The following MTMR14 variants were observed in gnomAD, a reference collection of about 807,000 sequenced individuals.
MTMR14 encodes the protein myotubularin related protein 14, also known as phosphatidylinositol-3,5-bisphosphate 3-phosphatase MTMR14.
A neutral mutation model predicts 86.3 loss-of-function variants in MTMR14; 48 were observed. The ratio of observed to expected loss-of-function variants is 0.56; its 90% CI spans 0.44 to 0.71. The LOEUF is 0.71. Ranked by LOEUF, MTMR14 falls within the 30% of genes least tolerant of loss-of-function variation. MTMR14 has a pLI of 0.00. For missense variants in MTMR14, 780 were observed against 834.6 expected (o/e 0.93, Z 0.81); for synonymous variants, 366 against 326.1 (o/e 1.12, Z -1.32).
At chr3:9,680,542 A>G (rs2075726894) in intron 9 of MTMR14, among the ~76,000 whole-genome samples, 3 of 152,222 alleles carry the variant, frequency 2.0e-5, no homozygotes, top group Admixed American at 1.3e-4. Flanking sequence ...TCTTGTGACC[A>G]GCTGATCTTC....
rs766595818 is a variant in MTMR14 at position 9,690,035 on chromosome 3, C to T, written c.1505C>T (p.Pro502Leu). The change falls in exon 17 of 19, where the codon CCT becomes CTT. Residue 502 changes from proline (P) to leucine (L), a missense_variant. Transcript: ENST00000296003. ...NRPQPSEDRL[P>L]SQQGLAEARS... ...CCACAACCCTCAGAGGACCGCTTGC[C>T]TTCCCAGCAGGGGCTGGCGGAAGCC... The T allele has an allele frequency of 1.2e-5, 20 of 1,612,778 alleles. No individual in the cohort carries two copies. Among genetic ancestry groups the T allele is most frequent in the Non-Finnish European group, 1.7e-5 (20 of 1,179,978 alleles).
chr3:9,676,819 G>A (rs2075596095), intron 7 of MTMR14, among the ~76,000 whole-genome samples: 1 of 152,200 alleles, frequency 6.6e-6, no homozygotes, highest in African/African-American at 2.4e-5. Context: ...CCGGGTTTTA[G>A]GCACTGTCCG....
intron 18 of MTMR14, chr3:9,699,509 T>C (rs2076388617): frequency 6.6e-6 from 1 of 152,262 alleles, no homozygotes; most frequent in Non-Finnish European, 1.5e-5. Flanking sequence ...GGTTCAGCAC[T>C]TGGGCTTTGT....
Position 9,649,607 on chromosome 3 carries a change from C to T in MTMR14, c.24C>T (p.Ala8=), listed in dbSNP as rs1277685901. The T allele has an allele frequency of 1.6e-5, 24 of 1,548,132 alleles. No individual in the cohort carries two copies. The highest frequency in any genetic ancestry group is 2.7e-5 in the African/African-American group (2 of 73,078). ...CCATGGCCGGCGCTCGGGCCGCCGCCGCCGCTGCCTCGGCGGGGTCCTCGG... is the reference window on the plus strand; with the variant it reads ...CCATGGCCGGCGCTCGGGCCGCCGCTGCCGCTGCCTCGGCGGGGTCCTCGG... MAGARAA[A]AAASAGSSAS... Residue 8 remains alanine, a synonymous_variant, in exon 1 of 19, where the codon GCC becomes GCT. Coordinates refer to ENST00000296003, the MANE Select transcript of MTMR14 (RefSeq NM_001077525.3).
intron 9 of MTMR14, among the ~76,000 whole-genome samples, chr3:9,682,563 G>A (rs575970108): frequency 1.3e-5 from 2 of 152,282 alleles, no homozygotes; most frequent in South Asian, 4.1e-4. Context: ...TCTCTTTAAA[G>A]CTTTTGCTTA....
intron 1 of MTMR14, among the ~76,000 whole-genome samples, chr3:9,652,390 T>G (rs2047352158): frequency 6.6e-6 from 1 of 152,232 alleles, no homozygotes; most frequent in Admixed American, 6.5e-5. Context: ...GCAAGTTGTG[T>G]ATAAAGAGAC....
chr3:9,686,403 G>A (rs1055071128), intron 13 of MTMR14, among the ~76,000 whole-genome samples: 13 of 152,190 alleles, frequency 8.5e-5, no homozygotes, highest in Admixed American at 7.9e-4. Context: ...ACCAAGTAGT[G>A]TCTGAGTTTG....
Position 9,689,029 on chromosome 3 carries a change from C to T in MTMR14, c.1380C>T (p.Phe460=). The T allele has an allele frequency of 6.2e-7, 1 of 1,613,878 alleles. No individual in the cohort carries two copies. Among genetic ancestry groups the T allele is most frequent in the Middle Eastern group, 1.6e-4 (1 of 6,062 alleles). ...GTTCCCCAGGAGCCACTGGGAGCTT[C>T]ACCTATGAGGCCGTGGAGCTGGTCC... The part of the protein sequence containing the change: ...MESSPGATGS[F]TYEAVELVPA... The change falls in exon 16 of 19, where the codon TTC becomes TTT. Residue 460 remains phenylalanine, a synonymous_variant. Transcript: ENST00000296003.
At chr3:9,692,248 G>C (rs1478431456) in intron 17 of MTMR14, among the ~76,000 whole-genome samples, 2 of 152,132 alleles carry the variant, frequency 1.3e-5, no homozygotes, top group Non-Finnish European at 2.9e-5. Context: ...AATTCTACAG[G>C]CATCTCTCTT....
intron 17 of MTMR14, among the ~76,000 whole-genome samples, chr3:9,691,273 C>T (rs2076131616): frequency 6.6e-6 from 1 of 152,210 alleles, no homozygotes; most frequent in Non-Finnish European, 1.5e-5. Flanking sequence ...CGTCTGGCCC[C>T]ATGGGAGGTG....
intron 1 of MTMR14, among the ~76,000 whole-genome samples, chr3:9,652,188 C>T (rs1383942541): frequency 6.6e-6 from 1 of 152,052 alleles, no homozygotes; most frequent in East Asian, 1.9e-4. Context: ...TGGTCTCAAG[C>T]TCCTGATCAG....
chr3:9,669,536 G>T, intron 5 of MTMR14, 44 bp downstream of exon 5: 1 of 1,594,966 alleles, frequency 6.3e-7, no homozygotes, highest in Non-Finnish European at 8.6e-7. Context: ...GTTGGGGATG[G>T]GGTGTCTGGC....
rs544001190 is a variant in MTMR14, at chr3:9,684,029, A to C, written c.965-556A>C. ...GTCGCTGGAGGGAGATTTGCCACAA[A>C]GTCGCATGCCAGCCCCTGGAGCCAG... On this transcript the variant is annotated intron_variant, in intron 10 of 18. Coordinates refer to ENST00000296003, the MANE Select transcript of MTMR14 (RefSeq NM_001077525.3). Among the ~76,000 whole-genome samples, 4 of 152,242 alleles carry C rather than the reference A, an allele frequency of 2.6e-5. No individual in the cohort carries two copies. The South Asian group carries it at 8.3e-4, about 32-fold the overall frequency.
intron 2 of MTMR14, among the ~76,000 whole-genome samples, chr3:9,658,810 A>G (rs1342051421): frequency 6.6e-6 from 1 of 152,224 alleles, no homozygotes; most frequent in African/African-American, 2.4e-5. Flanking sequence ...CATTATAGGA[A>G]CAAGCCACCC....
rs4021721 is a variant in MTMR14, at chr3:9,663,501, C to CTTT, written c.417+1150_417+1152dup. The stretch of plus-strand genomic sequence containing the variant: ...TTTTTTTTTGAGATGGAGTCTCTCT[C>CTTT]TTTTTTTTTTTTTTTTTTTTTTTTT... On this transcript the variant is annotated intron_variant, in intron 3 of 18. Transcript: ENST00000296003. Among the ~76,000 whole-genome samples, 291 of 69,992 alleles carry CTTT rather than the reference C, an allele frequency of 4.2e-3. 19 individuals are homozygous for CTTT. Among genetic ancestry groups the CTTT allele is most frequent in the Non-Finnish European group, 6.3e-3 (216 of 34,302 alleles). The allele number at this position is 69,992 out of a possible 152,430, so 45.9% of individuals were successfully genotyped here.
intron 7 of MTMR14, among the ~76,000 whole-genome samples, chr3:9,675,969 G>A (rs554843105): frequency 1.3e-5 from 2 of 152,256 alleles, no homozygotes; most frequent in South Asian, 2.1e-4. Context: ...CAGACTTCTC[G>A]AGGCCTGGGG....
At chr3:9,692,612 C>G (rs1374566799) in intron 17 of MTMR14, among the ~76,000 whole-genome samples, 5 of 152,200 alleles carry the variant, frequency 3.3e-5, no homozygotes, top group Non-Finnish European at 7.3e-5. Flanking sequence ...TGGAGTCATG[C>G]ATCCTTTAGG....
chr3:9,657,101 G>C (rs950279976), intron 2 of MTMR14, among the ~76,000 whole-genome samples: 9 of 152,014 alleles, frequency 5.9e-5, no homozygotes, highest in African/African-American at 1.9e-4. Flanking sequence ...TTTTAGTAGA[G>C]ACCAGGTCTC....
At chr3:9,683,337 C>A in intron 10 of MTMR14, 93 bp downstream of exon 10, 2 of 1,236,152 alleles carry the variant, frequency 1.6e-6, no homozygotes, top group South Asian at 2.4e-5. Context: ...TGGAGTTGCA[C>A]ACCTTACTTT....
Sources: gnomAD v4.1 joint callset for allele counts (sites outside exome capture counted in the v4.1 genomes callset) on GRCh38, gnomAD v4.1.1 for gene constraint, MANE v1.5 for transcripts, NCBI Gene and HGNC (gene_info 2026-07-23, HGNC 2026-07-21) for gene names.